The following PARD3B variants were observed in gnomAD, a reference collection of about 807,000 sequenced individuals.
The protein encoded by PARD3B is partitioning defective 3 homolog B.
Under a neutral mutation model 130.2 loss-of-function variants are expected in PARD3B, and 103 were observed. The ratio of observed to expected loss-of-function variants is 0.79; its 90% CI spans 0.67 to 0.93. The LOEUF (loss-of-function observed/expected upper bound fraction) is 0.93, where lower values mean the gene tolerates loss of function less well. Ranked by LOEUF, PARD3B falls within the 40% of genes least tolerant of loss-of-function variation. The probability of loss-of-function intolerance (pLI) is 0.00; values close to 1 mark genes in which losing one functional copy is unlikely to be tolerated. For synonymous variants in PARD3B, 583 were observed against 553.2 expected (o/e 1.05, Z -0.76); for missense variants, 1,609 against 1,499.2 (o/e 1.07, Z -1.21).
chr2:204,960,610 CTT>C (rs1690661194), intron 2 of PARD3B, among the ~76,000 whole-genome samples: 1 of 152,022 alleles, frequency 6.6e-6, no homozygotes. Context: ...ATCTAGGTGT[CTT>C]TTGTTGTTGT....
rs116391576 is a variant in PARD3B at position 204,694,436 on chromosome 2, G to C, written c.222+8154G>C. Among the ~76,000 whole-genome samples the C allele has an allele frequency of 9.3e-3, 1,411 of 152,092 alleles. 20 individuals are homozygous for C. The highest frequency in any genetic ancestry group is 0.031 in the African/African-American group (1,304 of 41,512). On this transcript the variant is annotated intron_variant, in intron 2 of 22. Coordinates refer to ENST00000406610, the MANE Select transcript of PARD3B (RefSeq NM_001302769.2). ...GTCTTGTGTGCTGTTTTAGGACTGG[G>C]ATGATTGTTTAAAATATTTTTTAGC...
intron 2 of PARD3B, among the ~76,000 whole-genome samples, chr2:204,920,239 A>C (rs1045870228): frequency 2.0e-5 from 3 of 152,190 alleles, no homozygotes; most frequent in Non-Finnish European, 2.9e-5. Flanking sequence ...AAATGTATAC[A>C]CTTTCGAGCA....
chr2:204,936,742 A>G lies in PARD3B; in HGVS notation c.223-28410A>G, dbSNP rs16836756. ...TTTAATATGAGTTTAGTGAATACAA[A>G]TCTGTCTAATGTTAACCATGATTAA... On this transcript the variant is annotated intron_variant, in intron 2 of 22. Transcript: ENST00000406610. 8.9e-3 allele frequency among the ~76,000 whole-genome samples: 1,358 copies of G among 152,330 alleles called. 25 individuals are homozygous for G. The highest frequency in any genetic ancestry group is 0.03 in the African/African-American group (1,261 of 41,566).
At chr2:204,812,876 C>G (rs968895500) in intron 2 of PARD3B, among the ~76,000 whole-genome samples, 1 of 152,080 alleles carries the variant, frequency 6.6e-6, no homozygotes, top group African/African-American at 2.4e-5. Flanking sequence ...CTGACCATCC[C>G]GTGATGGTCA....
In PARD3B at chr2:205,365,549, C is replaced by CT. The variant is rs3048121; in HGVS notation, c.2631-35448dup. Among the ~76,000 whole-genome samples the CT allele has an allele frequency of 3.1e-3, 351 of 113,736 alleles. 8 individuals are homozygous for CT. The highest frequency in any genetic ancestry group is 2.2e-3 in the Non-Finnish European group (133 of 60,644). 74.6% of individuals were successfully genotyped at this position (113,736 alleles called of 152,430 possible). On this transcript the variant is annotated intron_variant, in intron 18 of 22. Transcript: ENST00000406610. The stretch of plus-strand genomic sequence containing the variant: ...TCAGGGCCATATCCACCCAACCTTC[C>CT]TTTTTTTTTTTTTTTTCTAATCTAC...
chr2:204,875,779 G>A (rs1265307343), intron 2 of PARD3B, among the ~76,000 whole-genome samples: 1 of 152,212 alleles, frequency 6.6e-6, no homozygotes, highest in African/African-American at 2.4e-5. Flanking sequence ...GACTTTGAGA[G>A]TTTTAAAGGT....
At chr2:204,666,490 T>C (rs753035162) in intron 1 of PARD3B, among the ~76,000 whole-genome samples, 5 of 152,054 alleles carry the variant, frequency 3.3e-5, no homozygotes, top group African/African-American at 4.8e-5. Flanking sequence ...TGAGTCGATG[T>C]AGAGAAACCA....
intron 1 of PARD3B, among the ~76,000 whole-genome samples, chr2:204,590,990 T>C: frequency 6.6e-6 from 1 of 152,212 alleles, no homozygotes. Context: ...AAATTTAGTA[T>C]CTCCAGTTGG....
chr2:204,634,899 A>G (rs2034816609), intron 1 of PARD3B, among the ~76,000 whole-genome samples: 1 of 152,166 alleles, frequency 6.6e-6, no homozygotes, highest in Admixed American at 6.5e-5. Context: ...TTTTATAAAG[A>G]GAGAAATTTT....
chr2:205,410,468 T>G (rs1254189834), intron 19 of PARD3B, among the ~76,000 whole-genome samples: 1 of 152,136 alleles, frequency 6.6e-6, no homozygotes, highest in Admixed American at 6.5e-5. Context: ...TCTTATAGTT[T>G]CTATTTTTAG....
chr2:204,874,689 A>G (rs142637416), intron 2 of PARD3B, among the ~76,000 whole-genome samples: 1 of 152,232 alleles, frequency 6.6e-6, no homozygotes, highest in African/African-American at 2.4e-5. Context: ...TCCAACAGAG[A>G]CGTAGCTGTT....
rs1375824599 is a variant in PARD3B at position 204,678,930 on chromosome 2, G to A, written c.121-7251G>A. ...GAAATAGAACATTGCCCTAGAAGCC[G>A]CTTCATGCCTCTTTCTACTCACCAC... On this transcript the variant is annotated intron_variant, in intron 1 of 22. Transcript: ENST00000406610. The surrounding 1 kb of genome is among the most constrained non-coding windows in gnomAD (Gnocchi z 4.2). 2.0e-5 allele frequency among the ~76,000 whole-genome samples: 3 copies of A among 152,120 alleles called. No individual in the cohort carries two copies. Among genetic ancestry groups the A allele is most frequent in the East Asian group, 1.9e-4 (1 of 5,190 alleles).
At chr2:204,731,576 T>G (rs1400343634) in intron 2 of PARD3B, among the ~76,000 whole-genome samples, 1 of 152,066 alleles carries the variant, frequency 6.6e-6, no homozygotes, top group Non-Finnish European at 1.5e-5. Context: ...AAGGTGAGAG[T>G]TGACTTTTCT....
At chr2:204,742,795 G>A (rs887019065) in intron 2 of PARD3B, among the ~76,000 whole-genome samples, 10 of 152,160 alleles carry the variant, frequency 6.6e-5, no homozygotes, top group Admixed American at 6.6e-4. Flanking sequence ...ATAGGATAGT[G>A]TTTTAATAGG....
At chr2:204,966,536 C>T (rs893398473) in intron 3 of PARD3B, among the ~76,000 whole-genome samples, 14 of 152,064 alleles carry the variant, frequency 9.2e-5, no homozygotes, top group African/African-American at 2.9e-4. Flanking sequence ...TAAGGGAAGA[C>T]GAAAGGAGAA....
At chr2:205,384,381 C>T (rs1175855691) in intron 18 of PARD3B, among the ~76,000 whole-genome samples, 1 of 152,028 alleles carries the variant, frequency 6.6e-6, no homozygotes, top group African/African-American at 2.4e-5. Context: ...GGGTAATCTA[C>T]ATAGGAGATA....
intron 2 of PARD3B, among the ~76,000 whole-genome samples, chr2:204,956,599 C>T (rs1690259533): frequency 1.3e-5 from 2 of 151,748 alleles, no homozygotes; most frequent in Admixed American, 1.3e-4. Context: ...CATTTCCTCC[C>T]AAGATAGTCA....
intron 2 of PARD3B, among the ~76,000 whole-genome samples, chr2:204,939,957 CCTG>C (rs1688777650): frequency 6.6e-6 from 1 of 152,114 alleles, no homozygotes; most frequent in Non-Finnish European, 1.5e-5. Flanking sequence ...TAAGAGCATA[CCTG>C]CTATTTTACT....
intron 1 of PARD3B, among the ~76,000 whole-genome samples, chr2:204,637,512 A>G (rs965371488): frequency 6.6e-6 from 1 of 152,204 alleles, no homozygotes; most frequent in African/African-American, 2.4e-5. Flanking sequence ...TCAGAAGTGT[A>G]CTAAATTCTC....
Sources: gnomAD v4.1 joint callset for allele counts (sites outside exome capture counted in the v4.1 genomes callset) on GRCh38, gnomAD v4.1.1 for gene constraint, Gnocchi (gnomAD v3.1) non-coding constraint, MANE v1.5 for transcripts, NCBI Gene and HGNC (gene_info 2026-07-23, HGNC 2026-07-21) for gene names.